CDKAL1: variants seen among roughly 807,000 people sequenced by gnomAD.
CDKAL1 encodes threonylcarbamoyladenosine tRNA methylthiotransferase.
A neutral mutation model predicts 68.2 loss-of-function variants in CDKAL1; 32 were observed. The ratio of observed to expected loss-of-function variants is 0.47; its 90% confidence interval spans 0.35 to 0.63. CDKAL1 has a LOEUF of 0.63. CDKAL1 is among the 30% of genes least tolerant of loss of function. CDKAL1 has a pLI of 0.00. For missense variants in CDKAL1, 606 were observed against 696.7 expected, an observed-to-expected ratio of 0.87 and a Z score of 1.47; for synonymous variants, 234 against 244.3, an observed-to-expected ratio of 0.96 and a Z score of 0.39.
intron 7 of CDKAL1, among the ~76,000 whole-genome samples, chr6:20,779,137 G>C (rs759965711): frequency 6.6e-6 from 1 of 152,160 alleles, no homozygotes; most frequent in Non-Finnish European, 1.5e-5. Context: ...AGAAGCCGTA[G>C]TACTAAGTAT....
chr6:20,989,150 A>G (rs548239008), intron 10 of CDKAL1, among the ~76,000 whole-genome samples: 1 of 152,172 alleles, frequency 6.6e-6, no homozygotes, highest in African/African-American at 2.4e-5. Flanking sequence ...AAAAAAAAAT[A>G]CCTATGTCAT....
chr6:21,117,010 G>T (rs541480820), intron 13 of CDKAL1, among the ~76,000 whole-genome samples: 2 of 152,120 alleles, frequency 1.3e-5, no homozygotes, highest in African/African-American at 2.4e-5. Flanking sequence ...GTTGCCCTGG[G>T]TATGTCCCTG....
rs144279409 is a variant in CDKAL1, at chr6:20,663,146, C to G, written c.371+13769C>G. Among the ~76,000 whole-genome samples the G allele has an allele frequency of 3.5e-3, 535 of 152,222 alleles. 4 individuals are homozygous for G. The highest frequency in any genetic ancestry group is 0.012 in the African/African-American group (491 of 41,540). ...CTTTAAAGGAGCTTTATAGGAAGTC[C>G]CGCTCAAAACCCGTGCTTGCATCTC... On this transcript the variant is annotated intron_variant, in intron 5 of 15. Transcript: ENST00000274695.
chr6:20,818,197 G>A (rs1777127600), intron 8 of CDKAL1, among the ~76,000 whole-genome samples: 1 of 152,036 alleles, frequency 6.6e-6, no homozygotes, highest in South Asian at 2.1e-4. Flanking sequence ...CTAGATTATG[G>A]TTTTTTGATA....
At chr6:21,005,045 T>C (rs866529426) in intron 11 of CDKAL1, among the ~76,000 whole-genome samples, 6 of 152,226 alleles carry the variant, frequency 3.9e-5, no homozygotes, top group Non-Finnish European at 5.9e-5. Context: ...GATGTTTCTG[T>C]TATCTTTTAA....
intron 11 of CDKAL1, among the ~76,000 whole-genome samples, chr6:21,008,011 G>A (rs569189618): frequency 2.0e-5 from 3 of 152,338 alleles, no homozygotes; most frequent in South Asian, 2.1e-4. Context: ...GCATGCATGG[G>A]TGTCAAAAGT....
At chr6:20,851,305 G>A (rs1758999304) in intron 9 of CDKAL1, among the ~76,000 whole-genome samples, 1 of 152,202 alleles carries the variant, frequency 6.6e-6, no homozygotes, top group African/African-American at 2.4e-5. Flanking sequence ...GTCAAGTGGT[G>A]ACCAGGACTT....
intron 6 of CDKAL1, 132 bp from the exon 7 acceptor site, chr6:20,758,463 C>T: frequency 1.6e-6 from 1 of 637,864 alleles, no homozygotes; most frequent in Non-Finnish European, 2.7e-6. Context: ...TTTATAGTGT[C>T]TCCAAATACA....
chr6:20,952,821 T>A (rs530146610), intron 9 of CDKAL1, among the ~76,000 whole-genome samples: 10 of 152,346 alleles, frequency 6.6e-5, no homozygotes, highest in Middle Eastern at 3.4e-3. Flanking sequence ...CAGGAGACTT[T>A]CCAGGGAAAA....
intron 13 of CDKAL1, among the ~76,000 whole-genome samples, chr6:21,184,549 A>C (rs1432234420): frequency 6.6e-6 from 1 of 152,186 alleles, no homozygotes; most frequent in African/African-American, 2.4e-5. Context: ...TTTAGAATTC[A>C]AGTGATCTTC....
chr6:20,702,829 G>A (rs1270362104), intron 5 of CDKAL1, among the ~76,000 whole-genome samples: 1 of 152,130 alleles, frequency 6.6e-6, no homozygotes, highest in Non-Finnish European at 1.5e-5. Flanking sequence ...TAGGTCTGTG[G>A]GGGTGGAGCC....
At chr6:20,737,147 T>C (rs1199784879) in intron 5 of CDKAL1, among the ~76,000 whole-genome samples, 1 of 152,214 alleles carries the variant, frequency 6.6e-6, no homozygotes, top group Admixed American at 6.5e-5. Context: ...CTGAGCTTTC[T>C]GTGCCTCCAT....
At chr6:21,169,699 A>T (rs770323074) in intron 13 of CDKAL1, among the ~76,000 whole-genome samples, 1 of 152,294 alleles carries the variant, frequency 6.6e-6, no homozygotes, top group Middle Eastern at 3.4e-3. Flanking sequence ...TGCTGCTAAT[A>T]AAGACATACC....
At chr6:21,205,881 C>A (rs1424084940) in intron 15 of CDKAL1, among the ~76,000 whole-genome samples, 11 of 128,326 alleles carry the variant, frequency 8.6e-5, no homozygotes, top group African/African-American at 3.4e-4. Flanking sequence ...GTCGCCCAGG[C>A]TGGAGTGCAG....
intron 6 of CDKAL1, among the ~76,000 whole-genome samples, chr6:20,750,180 C>A (rs1010985430): frequency 2.0e-5 from 3 of 151,838 alleles, no homozygotes; most frequent in African/African-American, 7.3e-5. Context: ...ATGATGTGAT[C>A]ACGGCACACT....
chr6:20,718,176 A>G (rs770291441), intron 5 of CDKAL1, among the ~76,000 whole-genome samples: 48 of 152,248 alleles, frequency 3.2e-4, no homozygotes, highest in Non-Finnish European at 6.8e-4. Flanking sequence ...ACCAACGTTA[A>G]TTCATCTCTC....
intron 4 of CDKAL1, among the ~76,000 whole-genome samples, chr6:20,597,402 A>G (rs1765879569): frequency 6.6e-6 from 1 of 151,262 alleles, no homozygotes. Flanking sequence ...TGCTGGGATT[A>G]CAGGCATGAG....
intron 15 of CDKAL1, among the ~76,000 whole-genome samples, chr6:21,220,596 C>G (rs1400321037): frequency 6.6e-6 from 1 of 152,184 alleles, no homozygotes; most frequent in Non-Finnish European, 1.5e-5. Flanking sequence ...GTTCTTCTGT[C>G]CTACACCCTC....
At chr6:20,916,996 T>A (rs960201699) in intron 9 of CDKAL1, among the ~76,000 whole-genome samples, 4 of 152,198 alleles carry the variant, frequency 2.6e-5, no homozygotes, top group African/African-American at 9.7e-5. Context: ...TGTTTTTGTT[T>A]TGAGATGGAG....
Sources: gnomAD v4.1 joint callset for allele counts (sites outside exome capture counted in the v4.1 genomes callset) on GRCh38, gnomAD v4.1.1 for gene constraint, MANE v1.5 for transcripts, NCBI Gene and HGNC (gene_info 2026-07-23, HGNC 2026-07-21) for gene names.